The following SYCP1 variants were observed in gnomAD, a reference collection of about 807,000 sequenced individuals.
SYCP1 encodes cancer/testis antigen 8.
Under a neutral mutation model 153.1 loss-of-function variants are expected in SYCP1, and 64 were observed. The ratio of observed to expected loss-of-function variants is 0.42; its 90% CI spans 0.34 to 0.51. The LOEUF (loss-of-function observed/expected upper bound fraction) is 0.51, where lower values mean the gene tolerates loss of function less well. Ranked by LOEUF, SYCP1 falls within the 20% of genes least tolerant of loss-of-function variation. SYCP1 has a pLI of 0.06. For missense variants in SYCP1, 997 were observed against 1,049.0 expected, an observed-to-expected ratio of 0.95 and a Z score of 0.68; for synonymous variants, 384 against 341.8, an observed-to-expected ratio of 1.12 and a Z score of -1.36.
At chr1:114,908,457 C>T (rs1176067769) in intron 16 of SYCP1, among the ~76,000 whole-genome samples, 1 of 152,012 alleles carries the variant, frequency 6.6e-6, no homozygotes, top group Non-Finnish European at 1.5e-5. Context: ...CCTATTTTTG[C>T]TGTCTTCTCC....
chr1:114,924,871 T>G (rs560465535), intron 21 of SYCP1, among the ~76,000 whole-genome samples: 1 of 152,036 alleles, frequency 6.6e-6, no homozygotes. Flanking sequence ...GACATGAAGA[T>G]TGTTAAAATT....
Position 114,857,559 on chromosome 1 carries a change from T to C in SYCP1, c.291+62T>C, listed in dbSNP as rs903877265. On this transcript the variant is annotated intron_variant, in intron 5 of 31. Coordinates refer to ENST00000369522, the MANE Select transcript of SYCP1 (RefSeq NM_003176.4). ...ATTGGAATATAACTTATTACCTATA[T>C]GTATATTTCTTTTGAAGCTTCAAAA... 3.0e-5 allele frequency: 35 copies of C among 1,159,252 alleles called. No individual in the cohort carries two copies. The African/African-American group carries it at 5.2e-4, about 17-fold the overall frequency. The allele number at this position is 1,159,252 out of a possible 1,614,324, so 71.8% of individuals were successfully genotyped here.
At chr1:114,875,611 G>C (rs528796716) in intron 9 of SYCP1, among the ~76,000 whole-genome samples, 1 of 152,068 alleles carries the variant, frequency 6.6e-6, no homozygotes, top group African/African-American at 2.4e-5. Flanking sequence ...CACATAATAG[G>C]CACTCAGTAA....
intron 7 of SYCP1, among the ~76,000 whole-genome samples, chr1:114,860,138 T>C (rs923220924): frequency 1.3e-5 from 2 of 152,166 alleles, no homozygotes; most frequent in African/African-American, 4.8e-5. Context: ...ACAGTACTTA[T>C]AAAACAGGAC....
intron 23 of SYCP1, among the ~76,000 whole-genome samples, chr1:114,931,165 G>A (rs961758760): frequency 6.6e-6 from 1 of 151,872 alleles, no homozygotes; most frequent in African/African-American, 2.4e-5. Flanking sequence ...AATACCTACA[G>A]TTAGCATCCT....
At chr1:114,946,224 A>C in intron 25 of SYCP1, 65 bp from the exon 26 acceptor site, 1 of 678,270 alleles carries the variant, frequency 1.5e-6, no homozygotes, top group Non-Finnish European at 2.2e-6. Context: ...AAAATATGTT[A>C]GGATACCAAT....
At chr1:114,871,369 T>C (rs1475582734) in intron 8 of SYCP1, among the ~76,000 whole-genome samples, 1 of 151,984 alleles carries the variant, frequency 6.6e-6, no homozygotes, top group Non-Finnish European at 1.5e-5. Flanking sequence ...GGTTTTGTCA[T>C]GTTGGCCAGG....
Position 114,886,315 on chromosome 1 carries a change from ATATT to A in SYCP1, c.1190+11_1190+14del. 1 of 1,505,920 alleles carries A rather than the reference ATATT, an allele frequency of 6.6e-7. No homozygotes were observed. Among genetic ancestry groups the A allele is most frequent in the Non-Finnish European group, 8.9e-7 (1 of 1,128,564 alleles). 93.3% of individuals were successfully genotyped at this position (1,505,920 alleles called of 1,614,324 possible). A position where few individuals can be genotyped will look rare whatever the true frequency, so the allele number is the denominator to read the frequency against. On this transcript the variant is annotated splice_region_variant and intron_variant, in intron 14 of 31. Coordinates refer to ENST00000369522, the MANE Select transcript of SYCP1 (RefSeq NM_003176.4). Reference sequence around the variant, plus strand: ...TTGAGAACAGAACAGCAAAGGTAAAATATTTATTATTTTTAATACACAAAATAAG... The same window carrying A: ...TTGAGAACAGAACAGCAAAGGTAAAATATTATTTTTAATACACAAAATAAG...
intron 26 of SYCP1, among the ~76,000 whole-genome samples, chr1:114,946,706 GAAAACTACAA>G (rs1670731447): frequency 1.3e-5 from 2 of 152,166 alleles, no homozygotes; most frequent in South Asian, 4.1e-4. Context: ...TTTCTTTAAA[GAAAACTACAA>G]AAAACTTGAT....
intron 21 of SYCP1, 137 bp downstream of exon 21, chr1:114,923,667 C>A: frequency 1.2e-6 from 1 of 829,922 alleles, no homozygotes; most frequent in Non-Finnish European, 1.7e-6. Context: ...AGCCATCAAC[C>A]TTAAATATCT....
At chr1:114,874,606 T>C in intron 9 of SYCP1, 42 bp downstream of exon 9, 5 of 1,296,438 alleles carry the variant, frequency 3.9e-6, no homozygotes, top group Middle Eastern at 3.8e-4. Context: ...CATAGGAATT[T>C]CTGAGCAAAT....
At chr1:114,988,577 T>A (rs1325994861) in intron 30 of SYCP1, among the ~76,000 whole-genome samples, 1 of 151,866 alleles carries the variant, frequency 6.6e-6, no homozygotes, top group African/African-American at 2.4e-5. Context: ...TCATTCAAAA[T>A]GAAGAAGAAA....
chr1:114,902,675 G>A (rs1667547953), intron 16 of SYCP1, among the ~76,000 whole-genome samples: 2 of 150,454 alleles, frequency 1.3e-5, no homozygotes, highest in South Asian at 4.2e-4. Flanking sequence ...CATTATATAT[G>A]AACAACATCA....
intron 27 of SYCP1, among the ~76,000 whole-genome samples, chr1:114,975,663 T>C (rs1672757786): frequency 6.6e-6 from 1 of 151,778 alleles, no homozygotes; most frequent in African/African-American, 2.4e-5. Context: ...TATAAGCCCA[T>C]TGGTATAGGA....
intron 27 of SYCP1, among the ~76,000 whole-genome samples, chr1:114,958,654 C>T (rs576534475): frequency 2.2e-4 from 33 of 151,504 alleles, no homozygotes; most frequent in African/African-American, 7.7e-4. Flanking sequence ...GGTGCGGTGG[C>T]CCATGCCTGT....
chr1:114,892,233 T>A (rs1666755602), intron 15 of SYCP1, among the ~76,000 whole-genome samples: 1 of 152,086 alleles, frequency 6.6e-6, no homozygotes, highest in African/African-American at 2.4e-5. Flanking sequence ...CTGGCTCTGG[T>A]GGGCAGGGGT....
chr1:114,978,617 A>G (rs17032999), intron 28 of SYCP1, among the ~76,000 whole-genome samples: 2,369 of 151,762 alleles, frequency 0.016, 64 homozygotes, highest in African/African-American at 0.055. Flanking sequence ...TAGTGATATA[A>G]TCTCCTAAGT....
chr1:114,932,664 G>A (rs935522335), intron 23 of SYCP1, among the ~76,000 whole-genome samples: 5 of 152,188 alleles, frequency 3.3e-5, no homozygotes, highest in Non-Finnish European at 7.3e-5. Context: ...AAGAGAAGCC[G>A]TGACTGATGG....
intron 27 of SYCP1, among the ~76,000 whole-genome samples, chr1:114,971,453 G>T (rs1277194878): frequency 3.3e-5 from 5 of 152,092 alleles, no homozygotes. Flanking sequence ...CACTCCCTCT[G>T]TACTCCCACA....
Sources: gnomAD v4.1 joint callset for allele counts (sites outside exome capture counted in the v4.1 genomes callset) on GRCh38, gnomAD v4.1.1 for gene constraint, MANE v1.5 for transcripts, NCBI Gene and HGNC (gene_info 2026-07-23, HGNC 2026-07-21) for gene names.